The following RANBP2 variants were observed in gnomAD, a reference collection of about 807,000 sequenced individuals.
RANBP2 encodes RAN binding protein 2.
A neutral mutation model predicts 303.6 loss-of-function variants in RANBP2; 57 were observed. The ratio of observed to expected loss-of-function variants is 0.19; its 90% CI spans 0.15 to 0.23. RANBP2 has a LOEUF of 0.23. Among genes scored for constraint, RANBP2 ranks in the 10% least tolerant of loss-of-function variants. The pLI, the probability that RANBP2 is intolerant of heterozygous loss-of-function variation, is 1.00. For synonymous variants in RANBP2, 1,167 were observed against 1,301.5 expected, an observed-to-expected ratio of 0.90 and a Z score of 2.23; for missense variants, 3,138 against 3,780.8, an observed-to-expected ratio of 0.83 and a Z score of 4.46.
the RANBP2 span, among the ~76,000 whole-genome samples, chr2:109,381,895 A>G: frequency 6.6e-6 from 1 of 152,062 alleles, no homozygotes; most frequent in African/African-American, 2.4e-5. Context: ...TGCATGTGCA[A>G]TGGGCAAACA....
chr2:109,256,633 A>G, the RANBP2 span, among the ~76,000 whole-genome samples: 1 of 152,170 alleles, frequency 6.6e-6, no homozygotes, highest in South Asian at 2.1e-4. Flanking sequence ...ATTGTGCCAC[A>G]ATTTTTATTA....
At chr2:109,231,367 A>G in the RANBP2 span, among the ~76,000 whole-genome samples, 2 of 152,370 alleles carry the variant, frequency 1.3e-5, no homozygotes, top group Non-Finnish European at 2.9e-5. Flanking sequence ...GAGAAGGTTA[A>G]TGCAGTTATC....
At chr2:109,409,744 C>T in the RANBP2 span, among the ~76,000 whole-genome samples, 1 of 150,104 alleles carries the variant, frequency 6.7e-6, no homozygotes, top group Non-Finnish European at 1.5e-5. Context: ...ACACAAGCTG[C>T]TTGCTCCTCT....
At position 108,753,974 on chromosome 2, in the gene RANBP2, A is replaced by G. The variant is rs1451783103; in HGVS notation, c.2202+3A>G. ...CAAATCTTTCAGTGGTCAAGAAAGT[A>G]AGTAGCAGGTTGTTGTATGTACGTT... On this transcript the variant is annotated splice_donor_region_variant and intron_variant, in intron 15 of 28. Coordinates refer to ENST00000283195, the MANE Select transcript of RANBP2 (RefSeq NM_006267.5). The G allele has an allele frequency of 4.3e-6, 7 of 1,611,874 alleles. No homozygotes were observed. Among genetic ancestry groups the G allele is most frequent in the East Asian group, 4.5e-5 (2 of 44,854 alleles).
chr2:109,278,806 G>T, the RANBP2 span, among the ~76,000 whole-genome samples: 1 of 152,306 alleles, frequency 6.6e-6, no homozygotes, highest in African/African-American at 2.4e-5. Context: ...CTTGTTTGTG[G>T]GTATTGCATC....
At chr2:109,675,043 C>T in the RANBP2 span, among the ~76,000 whole-genome samples, 1 of 152,128 alleles carries the variant, frequency 6.6e-6, no homozygotes, top group African/African-American at 2.4e-5. Flanking sequence ...AATCATAGCT[C>T]ACTGCAGCTT....
chr2:108,913,923 C>T, the RANBP2 span, among the ~76,000 whole-genome samples: 2 of 127,632 alleles, frequency 1.6e-5, no homozygotes, highest in African/African-American at 2.9e-5. Context: ...GCACTCCAGC[C>T]TGGGTGACAC....
the RANBP2 span, among the ~76,000 whole-genome samples, chr2:109,088,766 C>A: frequency 1.3e-5 from 2 of 152,182 alleles, no homozygotes; most frequent in Non-Finnish European, 2.9e-5. Context: ...CCCGCCTTGG[C>A]CTCCCAAAGT....
chr2:109,653,081 A>G, the RANBP2 span, among the ~76,000 whole-genome samples: 1 of 152,310 alleles, frequency 6.6e-6, no homozygotes, highest in East Asian at 1.9e-4. Context: ...TGCTTTAGGA[A>G]GGTGCCAGTT....
downstream of RANBP2, among the ~76,000 whole-genome samples, chr2:108,790,230 T>G (rs1679682638): frequency 2.0e-5 from 3 of 152,204 alleles, no homozygotes. Context: ...CTACGTTGAA[T>G]GTAGGGTAAG....
the RANBP2 span, among the ~76,000 whole-genome samples, chr2:109,766,659 T>C: frequency 6.7e-6 from 1 of 148,972 alleles, no homozygotes; most frequent in African/African-American, 2.5e-5. Context: ...CAATGACACT[T>C]GAGCAACTTG....
the RANBP2 span, among the ~76,000 whole-genome samples, chr2:109,522,741 G>C: frequency 2.0e-5 from 3 of 152,116 alleles, no homozygotes; most frequent in African/African-American, 7.2e-5. Flanking sequence ...TCTCCCACAA[G>C]CTTCCCAGTG....
the RANBP2 span, chr2:109,615,123 A>G: frequency 7.7e-6 from 12 of 1,549,734 alleles, no homozygotes; most frequent in Non-Finnish European, 1.0e-5. Flanking sequence ...GGTGATGGGC[A>G]GCTCCCCGCA....
At chr2:109,732,335 C>T in the RANBP2 span, among the ~76,000 whole-genome samples, 1 of 152,138 alleles carries the variant, frequency 6.6e-6, no homozygotes, top group African/African-American at 2.4e-5. Flanking sequence ...GCTTTGTTTA[C>T]TGTGAAGCCC....
the RANBP2 span, among the ~76,000 whole-genome samples, chr2:109,315,624 G>A: frequency 6.6e-6 from 1 of 152,252 alleles, no homozygotes; most frequent in Non-Finnish European, 1.5e-5. Context: ...AAGGACGTGT[G>A]TGTCCAGAGA....
chr2:109,151,518 A>T, the RANBP2 span, among the ~76,000 whole-genome samples: 1 of 152,380 alleles, frequency 6.6e-6, no homozygotes, highest in Non-Finnish European at 1.5e-5. Context: ...GAAATTGGTG[A>T]AATTAATTTT....
the RANBP2 span, among the ~76,000 whole-genome samples, chr2:108,932,161 T>C: frequency 6.6e-6 from 1 of 152,222 alleles, no homozygotes; most frequent in African/African-American, 2.4e-5. Flanking sequence ...TCCTTTTCTT[T>C]CTTTCTTTTG....
At chr2:109,001,856 A>G in the RANBP2 span, among the ~76,000 whole-genome samples, 1 of 150,926 alleles carries the variant, frequency 6.6e-6, no homozygotes, top group Non-Finnish European at 1.5e-5. Flanking sequence ...TCAGCCCCCA[A>G]GTAGCTGGGA....
the RANBP2 span, among the ~76,000 whole-genome samples, chr2:109,320,892 C>T: frequency 6.6e-6 from 1 of 152,216 alleles, no homozygotes; most frequent in Non-Finnish European, 1.5e-5. Context: ...TACTCATCAC[C>T]TGGGTTAACC....
Sources: allele counts gnomAD v4.1 joint callset (sites outside exome capture counted in the v4.1 genomes callset), GRCh38; gene constraint gnomAD v4.1.1; transcripts MANE v1.5; gene names NCBI Gene and HGNC (gene_info 2026-07-23, HGNC 2026-07-21).